STPG4: variants seen among roughly 807,000 people sequenced by gnomAD.
The protein encoded by STPG4 is sperm-tail PG-rich repeat containing 4.
Under a neutral mutation model 31.5 loss-of-function variants are expected in STPG4, and 41 were observed. The observed-to-expected ratio is 1.30, with a 90% CI of 1.01 to 1.69. The LOEUF is 1.69. STPG4 is among the 40% of genes most tolerant of loss of function. The probability of loss-of-function intolerance (pLI) is 0.00; values close to 1 mark genes in which losing one functional copy is unlikely to be tolerated. For synonymous variants in STPG4, 141 were observed against 103.0 expected, an observed-to-expected ratio of 1.37 and a Z score of -2.24; for missense variants, 375 against 293.4, an observed-to-expected ratio of 1.28 and a Z score of -2.03.
intron 5 of STPG4, among the ~76,000 whole-genome samples, chr2:47,095,031 T>C (rs7566499): frequency 0.4 from 60,439 of 152,066 alleles, 13,157 homozygotes; most frequent in Middle Eastern, 0.54. Flanking sequence ...AAATGCCAGA[T>C]GCCTCCTAGA....
intron 5 of STPG4, among the ~76,000 whole-genome samples, chr2:47,097,538 T>C (rs956136043): frequency 2.0e-5 from 3 of 152,132 alleles, no homozygotes; most frequent in Non-Finnish European, 4.4e-5. Flanking sequence ...TCTGCCTTCC[T>C]CAGACAGGAA....
chr2:47,116,763 G>A (rs1686161454), intron 5 of STPG4, among the ~76,000 whole-genome samples: 1 of 152,090 alleles, frequency 6.6e-6, no homozygotes, highest in Non-Finnish European at 1.5e-5. Flanking sequence ...TCCTCATTTT[G>A]GGAGCTTATG....
chr2:47,140,006 C>T (rs1686671918), intron 3 of STPG4, among the ~76,000 whole-genome samples: 1 of 152,000 alleles, frequency 6.6e-6, no homozygotes, highest in Non-Finnish European at 1.5e-5. Context: ...AAACTCCTGA[C>T]CCTGTGATCC....
At chr2:47,089,515 T>G (rs1034944547) in intron 6 of STPG4, among the ~76,000 whole-genome samples, 8 of 152,240 alleles carry the variant, frequency 5.3e-5, no homozygotes, top group Admixed American at 2.6e-4. Context: ...TGGGCCCATT[T>G]TCTTACAGGC....
At chr2:47,097,117 G>A (rs141628712) in intron 5 of STPG4, among the ~76,000 whole-genome samples, 12 of 152,282 alleles carry the variant, frequency 7.9e-5, no homozygotes, top group African/African-American at 2.6e-4. Context: ...AGTGCACTCA[G>A]ATTCATGTGC....
At chr2:47,142,765 T>A (rs746129858) in intron 3 of STPG4, among the ~76,000 whole-genome samples, 6 of 151,532 alleles carry the variant, frequency 4.0e-5, no homozygotes, top group Non-Finnish European at 7.4e-5. Flanking sequence ...TATTGACTTG[T>A]ACCTTCATTT....
chr2:47,112,808 G>C (rs1043772127), intron 5 of STPG4, among the ~76,000 whole-genome samples: 7 of 152,114 alleles, frequency 4.6e-5, no homozygotes, highest in African/African-American at 1.7e-4. Context: ...AAAAGTACCA[G>C]CCTGGGCAAC....
intron 5 of STPG4, among the ~76,000 whole-genome samples, chr2:47,090,882 G>A (rs900681255): frequency 6.9e-6 from 1 of 143,984 alleles, no homozygotes; most frequent in Admixed American, 6.9e-5. Flanking sequence ...ATAAATAGGT[G>A]AACACAATTT....
intron 3 of STPG4, among the ~76,000 whole-genome samples, chr2:47,148,576 A>G (rs951185735): frequency 6.6e-6 from 1 of 152,160 alleles, no homozygotes; most frequent in Non-Finnish European, 1.5e-5. Flanking sequence ...ACATGTGCAC[A>G]ATGTGCAGGT....
chr2:47,094,459 C>G (rs1685631588), intron 5 of STPG4, among the ~76,000 whole-genome samples: 1 of 152,146 alleles, frequency 6.6e-6, no homozygotes, highest in South Asian at 2.1e-4. Context: ...TGAAGAAGCC[C>G]TATTTAATTG....
chr2:47,148,799 C>G (rs755147651), intron 3 of STPG4, among the ~76,000 whole-genome samples: 10 of 152,040 alleles, frequency 6.6e-5, no homozygotes, highest in African/African-American at 2.4e-4. Flanking sequence ...TTTGTCCTTG[C>G]GATAGTTTAC....
chr2:47,155,087 C>T, intron 1 of STPG4, 84 bp downstream of exon 1: 1 of 1,350,280 alleles, frequency 7.4e-7, no homozygotes, highest in Non-Finnish European at 1.1e-6. Context: ...GCACGAAGGC[C>T]TGGGATTAGA....
chr2:47,108,655 G>C (rs555183448), intron 5 of STPG4: 1 of 153,478 alleles, frequency 6.5e-6, no homozygotes, highest in Non-Finnish European at 1.4e-5. Context: ...AGTCCAGGTA[G>C]TAGGTAGGTG....
At chr2:47,139,160 T>C (rs1021190925) in intron 3 of STPG4, among the ~76,000 whole-genome samples, 2 of 152,252 alleles carry the variant, frequency 1.3e-5, no homozygotes, top group Non-Finnish European at 2.9e-5. Flanking sequence ...ATTTTCTGCC[T>C]GCTGTATTTG....
At chr2:47,104,066 T>C (rs1685853516) in intron 5 of STPG4, among the ~76,000 whole-genome samples, 1 of 151,926 alleles carries the variant, frequency 6.6e-6, no homozygotes, top group Admixed American at 6.5e-5. Flanking sequence ...GGGAGAGATA[T>C]ATTAGCCAAG....
intron 3 of STPG4, among the ~76,000 whole-genome samples, chr2:47,132,726 GCTTT>G (rs1337776728): frequency 1.3e-5 from 2 of 152,210 alleles, no homozygotes; most frequent in African/African-American, 4.8e-5. Context: ...GTGGATGTTT[GCTTT>G]CTGTTTTTAA....
At chr2:47,114,198 C>A (rs932079991) in intron 5 of STPG4, among the ~76,000 whole-genome samples, 2 of 151,266 alleles carry the variant, frequency 1.3e-5, no homozygotes, top group Non-Finnish European at 3.0e-5. Flanking sequence ...TAGCAAGACC[C>A]CATTTTCAAA....
At chr2:47,115,384 G>A (rs917026550) in intron 5 of STPG4, among the ~76,000 whole-genome samples, 7 of 152,108 alleles carry the variant, frequency 4.6e-5, no homozygotes, top group African/African-American at 1.7e-4. Flanking sequence ...TTGTTTTGCT[G>A]TATTTATCAC....
At chr2:47,091,312 T>C (rs983546207) in intron 5 of STPG4, among the ~76,000 whole-genome samples, 1 of 152,160 alleles carries the variant, frequency 6.6e-6, no homozygotes. Context: ...GCTTAAAACA[T>C]ATATGCCTAT....
Sources: gnomAD v4.1 joint callset for allele counts (sites outside exome capture counted in the v4.1 genomes callset) on GRCh38, gnomAD v4.1.1 for gene constraint, MANE v1.5 for transcripts, NCBI Gene and HGNC (gene_info 2026-07-23, HGNC 2026-07-21) for gene names.